MSH3: variants seen among roughly 807,000 people sequenced by gnomAD.
The protein encoded by MSH3 is DNA mismatch repair protein Msh3.
In MSH3, 106 loss-of-function variants were observed where a neutral mutation model predicts 123.3. That is an observed-to-expected ratio of 0.86 (90% CI 0.73 to 1.01). MSH3 has a LOEUF of 1.01. Among genes scored for constraint, MSH3 ranks in the 50% least tolerant of loss-of-function variants. MSH3 has a pLI of 0.00. For synonymous variants in MSH3, 515 were observed against 481.4 expected (o/e 1.07, Z -0.91); for missense variants, 1,459 against 1,347.6 (o/e 1.08, Z -1.29).
intron 17 of MSH3, among the ~76,000 whole-genome samples, chr5:80,785,036 C>T (rs1026900581): frequency 1.3e-5 from 2 of 152,112 alleles, no homozygotes; most frequent in Admixed American, 6.6e-5. Context: ...TTTAAAAAGT[C>T]ATAATGATTA....
At chr5:80,840,984 C>T (rs1745611801) in intron 20 of MSH3, among the ~76,000 whole-genome samples, 1 of 151,644 alleles carries the variant, frequency 6.6e-6, no homozygotes, top group Non-Finnish European at 1.5e-5. Flanking sequence ...TATACATGTG[C>T]CATGTTGGTG....
At chr5:80,788,043 C>G (rs981837424) in intron 18 of MSH3, among the ~76,000 whole-genome samples, 2 of 152,102 alleles carry the variant, frequency 1.3e-5, no homozygotes, top group Non-Finnish European at 2.9e-5. Context: ...TGTTAAGAGC[C>G]CATATTCATC....
chr5:80,778,968 C>T, intron 17 of MSH3, 132 bp downstream of exon 17: 64 of 519,806 alleles, frequency 1.2e-4, no homozygotes, highest in South Asian at 5.2e-4. Flanking sequence ...CATGTGTTCT[C>T]TGATTTTATT....
At chr5:80,822,891 T>C (rs922335486) in intron 20 of MSH3, among the ~76,000 whole-genome samples, 4 of 152,242 alleles carry the variant, frequency 2.6e-5, no homozygotes. Context: ...CTTAAGGAAC[T>C]GGCCCAATTG....
At chr5:80,874,433 A>G (rs1746272763) in intron 23 of MSH3, among the ~76,000 whole-genome samples, 1 of 152,206 alleles carries the variant, frequency 6.6e-6, no homozygotes, top group African/African-American at 2.4e-5. Context: ...AAACAGAAGC[A>G]AAGTGGCATA....
At chr5:80,860,158 A>G (rs758727886) in intron 21 of MSH3, among the ~76,000 whole-genome samples, 9 of 151,548 alleles carry the variant, frequency 5.9e-5, no homozygotes, top group Admixed American at 5.2e-4. Context: ...TGTTGCTATT[A>G]TTATTGTGAA....
chr5:80,673,087 G>A (rs1749758940), intron 6 of MSH3, among the ~76,000 whole-genome samples: 1 of 152,074 alleles, frequency 6.6e-6, no homozygotes, highest in Non-Finnish European at 1.5e-5. Flanking sequence ...CATACTTCAA[G>A]AGCAAGAAAA....
At chr5:80,843,883 A>AT (rs1331326795) in intron 20 of MSH3, among the ~76,000 whole-genome samples, 3 of 149,610 alleles carry the variant, frequency 2.0e-5, no homozygotes, top group African/African-American at 4.9e-5. Context: ...TTTTTGAAGG[A>AT]TTTTTTCTAT....
At position 80,745,145 on chromosome 5, in the gene MSH3, A is replaced by G. The variant is rs144257180; in HGVS notation, c.1763+530A>G. 6.8e-4 allele frequency among the ~76,000 whole-genome samples: 103 copies of G among 152,334 alleles called. 1 individual carries two copies. Among genetic ancestry groups the G allele is most frequent in the African/African-American group, 2.5e-3 (103 of 41,578 alleles). Reference sequence around the variant, plus strand: ...TCCCTAAGGGAAGATACTTGAATCCAGTGCCTAACATACAGTGATTTCCAA... The same window carrying G: ...TCCCTAAGGGAAGATACTTGAATCCGGTGCCTAACATACAGTGATTTCCAA... On this transcript the variant is annotated intron_variant, in intron 12 of 23. Transcript: ENST00000265081.
At position 80,665,349 on chromosome 5, in the gene MSH3, C is replaced by T. The variant is rs1580546793; in HGVS notation, c.565C>T (p.Gln189Ter). ...NAVSSEDSKRQINQKDTTLFD... is the reference protein window; with the variant it reads ...NAVSSEDSKR ...AGTTTCTTCTGAAGATTCGAAACGTCAAATTAATCAAAAGGTATGTAACTG... is the reference window on the plus strand; with the variant it reads ...AGTTTCTTCTGAAGATTCGAAACGTTAAATTAATCAAAAGGTATGTAACTG... Residue 189 changes from glutamine to a stop codon, truncating the protein, a stop_gained, in exon 3 of 24, where the codon CAA (glutamine) becomes TAA (stop). Transcript: ENST00000265081. LOFTEE classifies it high-confidence loss of function. The T allele has an allele frequency of 1.9e-6, 3 of 1,611,350 alleles. No individual in the cohort carries two copies. Among genetic ancestry groups the T allele is most frequent in the Non-Finnish European group, 2.5e-6 (3 of 1,179,114 alleles).
At chr5:80,763,560 C>A (rs1186771015) in intron 13 of MSH3, among the ~76,000 whole-genome samples, 1 of 152,214 alleles carries the variant, frequency 6.6e-6, no homozygotes, top group African/African-American at 2.4e-5. Context: ...TGCATATTAA[C>A]CTTCTTTAAA....
chr5:80,704,477 C>T (rs1750676103), intron 8 of MSH3, among the ~76,000 whole-genome samples: 1 of 152,130 alleles, frequency 6.6e-6, no homozygotes, highest in African/African-American at 2.4e-5. Context: ...GCTTCATCTT[C>T]CAGATTTCTC....
At chr5:80,797,181 C>A (rs1480487954) in intron 19 of MSH3, among the ~76,000 whole-genome samples, 1 of 151,862 alleles carries the variant, frequency 6.6e-6, no homozygotes, top group Non-Finnish European at 1.5e-5. Context: ...GGATGGGTAA[C>A]CCTCTCACAT....
intron 8 of MSH3, among the ~76,000 whole-genome samples, chr5:80,722,711 A>G (rs1440280935): frequency 6.6e-6 from 1 of 152,260 alleles, no homozygotes; most frequent in Non-Finnish European, 1.5e-5. Context: ...ACTGTTGGAT[A>G]TAATAGACAT....
intron 20 of MSH3, among the ~76,000 whole-genome samples, chr5:80,837,219 A>G (rs893959551): frequency 6.6e-6 from 1 of 152,232 alleles, no homozygotes; most frequent in African/African-American, 2.4e-5. Flanking sequence ...GGTGGAGAGG[A>G]AAAACTAGGC....
At chr5:80,781,181 G>C (rs954430329) in intron 17 of MSH3, among the ~76,000 whole-genome samples, 2 of 151,966 alleles carry the variant, frequency 1.3e-5, no homozygotes, top group Admixed American at 1.3e-4. Flanking sequence ...AGGGTTTTCA[G>C]GGCCTTTGAG....
intron 22 of MSH3, among the ~76,000 whole-genome samples, chr5:80,872,747 C>T (rs551743353): frequency 6.6e-6 from 1 of 152,252 alleles, no homozygotes; most frequent in South Asian, 2.1e-4. Flanking sequence ...TTTGATGTTA[C>T]AGTAAGGTAT....
At chr5:80,743,624 C>T (rs1743658680) in intron 11 of MSH3, among the ~76,000 whole-genome samples, 1 of 9,520 alleles carries the variant, frequency 1.1e-4, no homozygotes, top group South Asian at 2.5e-3. Flanking sequence ...GCGGGCGGAT[C>T]ACGAGGTCAG....
intron 3 of MSH3, among the ~76,000 whole-genome samples, chr5:80,665,886 C>T (rs1169514246): frequency 3.3e-5 from 5 of 152,108 alleles, no homozygotes; most frequent in Non-Finnish European, 7.4e-5. Context: ...ACTCATGCTC[C>T]ATCATTGAAA....
Sources: gnomAD v4.1 joint callset for allele counts (sites outside exome capture counted in the v4.1 genomes callset) on GRCh38, gnomAD v4.1.1 for gene constraint, MANE v1.5 for transcripts, NCBI Gene and HGNC (gene_info 2026-07-23, HGNC 2026-07-21) for gene names.